Variants in KRCC1 observed in about 807,000 individuals in gnomAD.
KRCC1 encodes the protein lysine rich coiled-coil 1.
KRCC1 carries 3 observed loss-of-function variants against 7.4 expected under a neutral mutation model. The observed-to-expected ratio is 0.40, with a 90% CI of 0.18 to 1.04. The LOEUF (loss-of-function observed/expected upper bound fraction) is 1.04, where lower values mean the gene tolerates loss of function less well. Ranked by LOEUF, KRCC1 falls within the 50% of genes least tolerant of loss-of-function variation. KRCC1 has a pLI of 0.33. For missense variants in KRCC1, 277 were observed against 300.9 expected (o/e 0.92, Z 0.59); for synonymous variants, 102 against 101.6 (o/e 1.00, Z -0.02).
At chr2:88,028,823 G>C (rs1672937832) in intron 3 of KRCC1, among the ~76,000 whole-genome samples, 1 of 151,606 alleles carries the variant, frequency 6.6e-6, no homozygotes, top group African/African-American at 2.4e-5. Flanking sequence ...GCTAATTTTT[G>C]TATTTTTAGT....
At chr2:88,048,437 T>A (rs1673394000) in intron 1 of KRCC1, among the ~76,000 whole-genome samples, 1 of 152,062 alleles carries the variant, frequency 6.6e-6, no homozygotes, top group African/African-American at 2.4e-5. Context: ...GGCCTATGAA[T>A]GCAGTTTTGT....
rs530372634 is a variant in KRCC1 at position 88,027,943 on chromosome 2, T to G, written c.621A>C (p.Val207=). The change falls in exon 4 of 4, where the codon GTA becomes GTC. Residue 207 remains valine, a synonymous_variant. Coordinates refer to ENST00000347055, the MANE Select transcript of KRCC1 (RefSeq NM_016618.3). ...RKKTEVEIET[V]HVSTEKLKNR... ...TCTTAAGCTTTTCTGTACTGACATG[T>G]ACGGTTTCTATTTCCACCTCTGTTT... 6.2e-7 allele frequency: 1 copy of G among 1,613,988 alleles called. No homozygotes were observed. Among genetic ancestry groups the G allele is most frequent in the African/African-American group, 1.3e-5 (1 of 74,998 alleles).
chr2:88,039,824 G>T (rs1310870274), intron 1 of KRCC1, among the ~76,000 whole-genome samples: 1 of 152,054 alleles, frequency 6.6e-6, no homozygotes, highest in Admixed American at 6.6e-5. Flanking sequence ...CCTTGACTCA[G>T]AATTATTGTA....
chr2:88,040,422 T>C (rs549451896), intron 1 of KRCC1, among the ~76,000 whole-genome samples: 12 of 152,304 alleles, frequency 7.9e-5, no homozygotes, highest in East Asian at 1.9e-4. Context: ...TCACTACTTA[T>C]TGAGTTTGTC....
chr2:88,047,806 G>C (rs537742227), intron 1 of KRCC1, among the ~76,000 whole-genome samples: 11 of 152,254 alleles, frequency 7.2e-5, no homozygotes, highest in African/African-American at 2.4e-4. Context: ...TGGGATTACA[G>C]GCATGAGCCA....
At chr2:88,037,184 A>C (rs1242304585) in intron 1 of KRCC1, 133 bp from the exon 2 acceptor site, 2 of 152,182 alleles carry the variant, frequency 1.3e-5, no homozygotes, top group South Asian at 2.1e-4. Flanking sequence ...TAGAGTAATA[A>C]ATTTTTGCTC....
intron 1 of KRCC1, among the ~76,000 whole-genome samples, chr2:88,050,541 T>C (rs1400160454): frequency 6.6e-6 from 1 of 152,178 alleles, no homozygotes; most frequent in East Asian, 1.9e-4. Flanking sequence ...GAGAATCACT[T>C]GAACCAGGGA....
intron 3 of KRCC1, 33 bp from the exon 4 acceptor site, chr2:88,028,618 A>C: frequency 8.6e-7 from 1 of 1,166,668 alleles, no homozygotes; most frequent in Non-Finnish European, 1.2e-6. Flanking sequence ...TTACCAGATC[A>C]TCTTGTCCTG....
chr2:88,028,324 T>C lies in KRCC1; in HGVS notation c.240A>G (p.Thr80=), dbSNP rs962039008. 7 of 1,614,032 alleles carry C rather than the reference T, an allele frequency of 4.3e-6. No individual in the cohort carries two copies. The highest frequency in any genetic ancestry group is 2.7e-5 in the African/African-American group (2 of 74,910). The change falls in exon 4 of 4, where the codon ACA becomes ACG. Residue 80 remains threonine, a synonymous_variant. Transcript: ENST00000347055. ...ACCACTGAGGCAACCGATTTTCCAC[T>C]GTTTGTGGAATATTGCATGATCTTG... is the stretch of plus-strand genomic sequence containing the variant. ...TYPRSCNIPQ[T]VENRLPQWLP...
chr2:88,043,782 G>A (rs540378627), intron 1 of KRCC1, among the ~76,000 whole-genome samples: 24 of 152,258 alleles, frequency 1.6e-4, no homozygotes, highest in Admixed American at 4.6e-4. Context: ...CGGTTCTCCT[G>A]CCTCAGCCTC....
At chr2:88,033,276 C>A (rs1394351167) in intron 3 of KRCC1, among the ~76,000 whole-genome samples, 1 of 152,210 alleles carries the variant, frequency 6.6e-6, no homozygotes, top group Non-Finnish European at 1.5e-5. Flanking sequence ...GTAATCCCAG[C>A]ACTTTGGGAG....
chr2:88,036,271 A>C (rs1274282639), intron 2 of KRCC1, among the ~76,000 whole-genome samples: 1 of 152,194 alleles, frequency 6.6e-6, no homozygotes, highest in South Asian at 2.1e-4. Context: ...ATTGTAATGT[A>C]GTATACAAAA....
intron 2 of KRCC1, among the ~76,000 whole-genome samples, chr2:88,034,511 A>G (rs1247885167): frequency 6.6e-6 from 1 of 152,182 alleles, no homozygotes; most frequent in African/African-American, 2.4e-5. Flanking sequence ...CTGACAAGTA[A>G]TAATTGTATA....
At chr2:88,044,010 G>A (rs1183238067) in intron 1 of KRCC1, among the ~76,000 whole-genome samples, 1 of 152,000 alleles carries the variant, frequency 6.6e-6, no homozygotes, top group Non-Finnish European at 1.5e-5. Context: ...AGAACTCTAT[G>A]GGCTCAGTAC....
At chr2:88,033,184 T>A (rs1046158091) in intron 3 of KRCC1, among the ~76,000 whole-genome samples, 1 of 152,170 alleles carries the variant, frequency 6.6e-6, no homozygotes, top group Non-Finnish European at 1.5e-5. Flanking sequence ...CTTAAATACA[T>A]ACAGTTTATT....
At chr2:88,052,323 T>C (rs1474131872) in intron 1 of KRCC1, among the ~76,000 whole-genome samples, 1 of 152,240 alleles carries the variant, frequency 6.6e-6, no homozygotes, top group East Asian at 1.9e-4. Context: ...TAATTTGTCT[T>C]ATGCATTTTT....
At chr2:88,046,567 T>G (rs1673339392) in intron 1 of KRCC1, among the ~76,000 whole-genome samples, 1 of 152,264 alleles carries the variant, frequency 6.6e-6, no homozygotes. Context: ...CCTAATTCTT[T>G]GTATTTCAAG....
intron 3 of KRCC1, among the ~76,000 whole-genome samples, chr2:88,030,718 G>GA (rs1038585868): frequency 6.6e-6 from 1 of 152,180 alleles, no homozygotes; most frequent in African/African-American, 2.4e-5. Flanking sequence ...ACAACCACTT[G>GA]AAAAACAGTT....
chr2:88,044,515 C>T (rs1673288643), intron 1 of KRCC1, among the ~76,000 whole-genome samples: 1 of 152,040 alleles, frequency 6.6e-6, no homozygotes, highest in African/African-American at 2.4e-5. Context: ...CTTTTTATGA[C>T]TCAATTATAG....
Sources: allele counts gnomAD v4.1 joint callset (sites outside exome capture counted in the v4.1 genomes callset), GRCh38; gene constraint gnomAD v4.1.1; transcripts MANE v1.5; gene names NCBI Gene and HGNC (gene_info 2026-07-23, HGNC 2026-07-21).